The following SYT14 variants were observed in gnomAD, a reference collection of about 807,000 sequenced individuals.
SYT14 encodes synaptotagmin-14.
A neutral mutation model predicts 74.2 loss-of-function variants in SYT14; 32 were observed. That is an observed-to-expected ratio of 0.43 (90% CI 0.33 to 0.58). SYT14 has a LOEUF of 0.58. Among genes scored for constraint, SYT14 ranks in the 20% least tolerant of loss-of-function variants. The probability of loss-of-function intolerance (pLI) is 0.05; values close to 1 mark genes in which losing one functional copy is unlikely to be tolerated. For missense variants in SYT14, 791 were observed against 981.8 expected, an observed-to-expected ratio of 0.81 and a Z score of 2.60; for synonymous variants, 298 against 337.7, an observed-to-expected ratio of 0.88 and a Z score of 1.29.
chr1:209,953,230 G>A (rs563647148), intron 2 of SYT14: 1 of 1,287,286 alleles, frequency 7.8e-7, no homozygotes, highest in Admixed American at 2.3e-5. Context: ...CCTGACAACT[G>A]GGTGGTTCAA....
At chr1:210,155,092 C>T (rs749314172) in intron 7 of SYT14, among the ~76,000 whole-genome samples, 7 of 152,146 alleles carry the variant, frequency 4.6e-5, no homozygotes, top group Non-Finnish European at 1.0e-4. Context: ...TTATTAAATG[C>T]ATCCAAATTT....
intron 7 of SYT14, among the ~76,000 whole-genome samples, chr1:210,123,887 T>G (rs1356964956): frequency 6.6e-6 from 1 of 152,118 alleles, no homozygotes; most frequent in African/African-American, 2.4e-5. Context: ...TAATTAGTGT[T>G]TTCAGAAAGA....
At chr1:210,129,364 C>T (rs2082629972) in intron 7 of SYT14, among the ~76,000 whole-genome samples, 1 of 152,180 alleles carries the variant, frequency 6.6e-6, no homozygotes, top group Non-Finnish European at 1.5e-5. Flanking sequence ...CGTCTTGAAA[C>T]TCCTTGTGTC....
chr1:210,069,813 A>C (rs1369176550), intron 5 of SYT14, among the ~76,000 whole-genome samples: 1 of 150,632 alleles, frequency 6.6e-6, no homozygotes, highest in Admixed American at 6.6e-5. Context: ...TCTCTCTGTT[A>C]TACCTTTTTT....
chr1:210,134,964 G>C (rs1482077703), intron 7 of SYT14, among the ~76,000 whole-genome samples: 1 of 151,084 alleles, frequency 6.6e-6, no homozygotes, highest in African/African-American at 2.4e-5. Context: ...TAATTTTTGT[G>C]TTCTTAATTT....
At chr1:209,993,335 A>G (rs2079728410) in intron 2 of SYT14, among the ~76,000 whole-genome samples, 1 of 152,182 alleles carries the variant, frequency 6.6e-6, no homozygotes, top group South Asian at 2.1e-4. Flanking sequence ...ACAGTGTAGC[A>G]TCTGCAGCCT....
At chr1:210,098,566 T>C (rs778785913) in intron 6 of SYT14, among the ~76,000 whole-genome samples, 1 of 152,166 alleles carries the variant, frequency 6.6e-6, no homozygotes, top group African/African-American at 2.4e-5. Context: ...TAATTTCTTA[T>C]ATAAACCTGA....
chr1:210,139,428 T>G (rs1358545999), intron 7 of SYT14, among the ~76,000 whole-genome samples: 2 of 152,074 alleles, frequency 1.3e-5, no homozygotes, highest in African/African-American at 4.8e-5. Context: ...TTAAATTATC[T>G]TTGAGATTCT....
chr1:210,042,543 G>A (rs2080810975), intron 5 of SYT14, among the ~76,000 whole-genome samples: 1 of 152,172 alleles, frequency 6.6e-6, no homozygotes, highest in African/African-American at 2.4e-5. Context: ...TGTATAAGGT[G>A]TAAGGAAGGG....
intron 5 of SYT14, among the ~76,000 whole-genome samples, chr1:210,032,987 T>G (rs1185180178): frequency 6.6e-6 from 1 of 151,888 alleles, no homozygotes; most frequent in African/African-American, 2.4e-5. Context: ...ATTCAGATAT[T>G]CTTTCTTTCC....
At chr1:210,057,296 CA>C (rs1332209169) in intron 5 of SYT14, among the ~76,000 whole-genome samples, 22 of 152,316 alleles carry the variant, frequency 1.4e-4, no homozygotes, top group African/African-American at 5.3e-4. Flanking sequence ...GGTCATCATG[CA>C]TCATGGCTGA....
At chr1:210,091,606 C>G (rs954586632) in intron 5 of SYT14, among the ~76,000 whole-genome samples, 1 of 152,146 alleles carries the variant, frequency 6.6e-6, no homozygotes, top group Non-Finnish European at 1.5e-5. Context: ...GGGAGGATCA[C>G]TTGAGCCTGG....
At position 210,152,968 on chromosome 1, in the gene SYT14, T is replaced by C. The variant is rs78313107; in HGVS notation, c.2035-2753T>C. ...TTTTACTTAAAATCACATTTGTAAATGTTATAATTGGTTTTCATTGCTGTA... is the reference window on the plus strand; with the variant it reads ...TTTTACTTAAAATCACATTTGTAAACGTTATAATTGGTTTTCATTGCTGTA... On this transcript the variant is annotated intron_variant, in intron 7 of 9. Transcript: ENST00000637265. Among the ~76,000 whole-genome samples, 1,455 of 152,246 alleles carry C rather than the reference T, an allele frequency of 9.6e-3. 20 individuals are homozygous for C. Among genetic ancestry groups the C allele is most frequent in the African/African-American group, 0.032 (1,342 of 41,536 alleles).
intron 2 of SYT14, among the ~76,000 whole-genome samples, chr1:209,978,698 T>G (rs867837349): frequency 6.6e-6 from 1 of 152,208 alleles, no homozygotes; most frequent in Non-Finnish European, 1.5e-5. Context: ...GATCTCCAGC[T>G]GCGTGCTGGG....
chr1:210,038,629 C>T (rs972114183), intron 5 of SYT14, among the ~76,000 whole-genome samples: 6 of 152,022 alleles, frequency 3.9e-5, no homozygotes, highest in Non-Finnish European at 5.9e-5. Flanking sequence ...TGATGAATTC[C>T]GTTAGCACTT....
chr1:210,046,680 TAGC>T (rs1307287153), intron 5 of SYT14, among the ~76,000 whole-genome samples: 1 of 152,204 alleles, frequency 6.6e-6, no homozygotes, highest in African/African-American at 2.4e-5. Flanking sequence ...TCTGTAGACT[TAGC>T]AGGGTCAGTA....
chr1:209,988,175 A>T (rs1369929013), intron 2 of SYT14, among the ~76,000 whole-genome samples: 2 of 152,046 alleles, frequency 1.3e-5, no homozygotes, highest in Non-Finnish European at 2.9e-5. Flanking sequence ...CTTTCTGTTG[A>T]TATGTCTTCA....
chr1:209,997,322 C>T (rs2079816599), intron 2 of SYT14, among the ~76,000 whole-genome samples: 1 of 151,934 alleles, frequency 6.6e-6, no homozygotes, highest in Non-Finnish European at 1.5e-5. Flanking sequence ...TTCTATACAC[C>T]AATAATGCCT....
chr1:210,094,666 G>A, intron 6 of SYT14, 73 bp downstream of exon 5: 1 of 1,512,084 alleles, frequency 6.6e-7, no homozygotes, highest in Non-Finnish European at 9.2e-7. Flanking sequence ...TCTCCTCTTG[G>A]TAAGAAGAAT....
Sources: allele counts gnomAD v4.1 joint callset (sites outside exome capture counted in the v4.1 genomes callset), GRCh38; gene constraint gnomAD v4.1.1; transcripts MANE v1.5; gene names NCBI Gene and HGNC (gene_info 2026-07-23, HGNC 2026-07-21).